Variants in SYNE2 observed in about 807,000 individuals in gnomAD.
SYNE2 encodes spectrin repeat containing nuclear envelope protein 2.
SYNE2 carries 431 observed loss-of-function variants against 856.3 expected under a neutral mutation model. The observed-to-expected ratio is 0.50, with a 90% CI of 0.47 to 0.55. SYNE2 has a LOEUF of 0.55. Among genes scored for constraint, SYNE2 ranks in the 20% least tolerant of loss-of-function variants. The pLI, the probability that SYNE2 is intolerant of heterozygous loss-of-function variation, is 0.00. For missense variants in SYNE2, 8,129 were observed against 8,023.2 expected, an observed-to-expected ratio of 1.01 and a Z score of -0.50; for synonymous variants, 2,923 against 2,872.3, an observed-to-expected ratio of 1.02 and a Z score of -0.56.
chr14:63,891,043 G>A (rs2095118670), intron 1 of SYNE2, among the ~76,000 whole-genome samples: 1 of 152,142 alleles, frequency 6.6e-6, no homozygotes, highest in Non-Finnish European at 1.5e-5. Context: ...AGCTTTTCAT[G>A]AATTTGGTTT....
At chr14:63,887,523 A>G (rs1433909310) in intron 1 of SYNE2, among the ~76,000 whole-genome samples, 1 of 152,152 alleles carries the variant, frequency 6.6e-6, no homozygotes, top group African/African-American at 2.4e-5. Flanking sequence ...ATTGTCCTTC[A>G]GGAGGATCCA....
At chr14:64,201,918 G>T (rs779152615) in intron 99 of SYNE2, among the ~76,000 whole-genome samples, 1 of 152,140 alleles carries the variant, frequency 6.6e-6, no homozygotes, top group South Asian at 2.1e-4. Flanking sequence ...GGCTCACCTC[G>T]CTCTGCTTTA....
intron 1 of SYNE2, among the ~76,000 whole-genome samples, chr14:63,810,222 C>CAA (rs1258802316): frequency 8.5e-5 from 9 of 105,792 alleles, no homozygotes; most frequent in African/African-American, 2.8e-4. Flanking sequence ...GACTCTTTCT[C>CAA]AAAAAAAAAA....
chr14:63,886,542 GTTTA>G (rs1463117363), intron 1 of SYNE2, among the ~76,000 whole-genome samples: 3 of 152,144 alleles, frequency 2.0e-5, no homozygotes, highest in South Asian at 2.1e-4. Context: ...TAGGTGCAAA[GTTTA>G]TTTACTGGAT....
At chr14:64,023,086 A>C (rs778295492) in intron 38 of SYNE2, 6 of 506,562 alleles carry the variant, frequency 1.2e-5, no homozygotes, top group African/African-American at 5.8e-5. Context: ...GTGAAACCTT[A>C]TCTCTACAAA....
At position 64,128,387 on chromosome 14, in the gene SYNE2, T is replaced by G. The variant is rs540566731; in HGVS notation, c.13918-65T>G. ...TGTCACAAAAATTATAAAAACCAAC[T>G]AAATATAAAAAAAGATAATGAAGGC... On this transcript the variant is annotated intron_variant, in intron 73 of 115. Transcript: ENST00000555002. The G allele has an allele frequency of 2.4e-3, 2,084 of 879,796 alleles. 53 individuals carry two copies. The South Asian group carries it at 0.029, about 12-fold the overall frequency. The allele number at this position is 879,796 out of a possible 1,614,324, so 54.5% of individuals were successfully genotyped here.
intron 70 of SYNE2, 187 bp downstream of exon 70, chr14:64,122,614 A>G (rs973569499): frequency 1.4e-6 from 1 of 713,262 alleles, no homozygotes; most frequent in Non-Finnish European, 2.4e-6. Flanking sequence ...TGTAGCACCC[A>G]GGGCTTCCCT....
intron 3 of SYNE2, 99 bp downstream of exon 3, chr14:63,940,774 T>G: frequency 2.0e-6 from 2 of 1,022,082 alleles, no homozygotes; most frequent in Non-Finnish European, 3.0e-6. Flanking sequence ...ATGGTACTGG[T>G]GATGACAGGG....
chr14:63,826,141 CA>C (rs1595149276), intron 1 of SYNE2, among the ~76,000 whole-genome samples: 1 of 152,152 alleles, frequency 6.6e-6, no homozygotes, highest in East Asian at 1.9e-4. Flanking sequence ...TTCCCAATTT[CA>C]AAACTTACTA....
chr14:64,184,414 A>G (rs2098478613), intron 96 of SYNE2, among the ~76,000 whole-genome samples: 2 of 151,812 alleles, frequency 1.3e-5, no homozygotes, highest in African/African-American at 4.8e-5. Flanking sequence ...GGGCAGTGAG[A>G]GTAAAACAGG....
intron 1 of SYNE2, among the ~76,000 whole-genome samples, chr14:63,811,971 A>T (rs1888629598): frequency 6.6e-6 from 1 of 152,170 alleles, no homozygotes; most frequent in African/African-American, 2.4e-5. Context: ...AACTCCTGAT[A>T]AGGGTCTATG....
At chr14:64,033,039 G>C (rs1404251273) in intron 45 of SYNE2, among the ~76,000 whole-genome samples, 2 of 152,044 alleles carry the variant, frequency 1.3e-5, no homozygotes, top group Admixed American at 1.3e-4. Context: ...ATGGTGGCTT[G>C]TGCCTGTGTT....
At chr14:63,795,455 A>G (rs1887885585) in intron 1 of SYNE2, among the ~76,000 whole-genome samples, 1 of 151,966 alleles carries the variant, frequency 6.6e-6, no homozygotes, top group Non-Finnish European at 1.5e-5. Flanking sequence ...CTATTGTGGG[A>G]CCTTGTGGTC....
chr14:64,093,524 A>G (rs759370916), intron 61 of SYNE2, 44 bp downstream of exon 61: 1 of 1,612,632 alleles, frequency 6.2e-7, no homozygotes, highest in South Asian at 1.1e-5. Flanking sequence ...TTTGTCCATC[A>G]GTGCATTTAT....
chr14:64,223,509 T>A, intron 113 of SYNE2, 129 bp downstream of exon 113: 2 of 958,292 alleles, frequency 2.1e-6, no homozygotes, highest in South Asian at 1.4e-5. Flanking sequence ...GGGCCTCATG[T>A]CGTGCCCTTT....
chr14:64,159,677 AC>A (rs1567501071), intron 87 of SYNE2, among the ~76,000 whole-genome samples: 3 of 152,152 alleles, frequency 2.0e-5, no homozygotes, highest in Non-Finnish European at 2.9e-5. Context: ...CCTAATAACA[AC>A]CCCAGTGTAC....
chr14:64,196,557 C>G (rs1439826301), intron 99 of SYNE2, among the ~76,000 whole-genome samples: 1 of 152,154 alleles, frequency 6.6e-6, no homozygotes, highest in Non-Finnish European at 1.5e-5. Flanking sequence ...AGGGATATTT[C>G]TTCTTTAAGA....
At chr14:64,224,577 T>C (rs1270772196) in intron 114 of SYNE2, 30 bp downstream of exon 114, 1 of 1,612,312 alleles carries the variant, frequency 6.2e-7, no homozygotes. Context: ...TGTGAGAACC[T>C]CACTGGTTAT....
chr14:64,209,660 A>C (rs1002082922), intron 102 of SYNE2, 82 bp downstream of exon 102: 24 of 1,579,552 alleles, frequency 1.5e-5, no homozygotes, highest in Non-Finnish European at 2.1e-5. Flanking sequence ...ACTTCCTCTA[A>C]GTAGCCAGCT....
Sources: gnomAD v4.1 joint callset for allele counts (sites outside exome capture counted in the v4.1 genomes callset) on GRCh38, gnomAD v4.1.1 for gene constraint, MANE v1.5 for transcripts, NCBI Gene and HGNC (gene_info 2026-07-23, HGNC 2026-07-21) for gene names.